PDZD2: variants seen among roughly 807,000 people sequenced by gnomAD.
PDZD2 encodes the protein PDZ domain containing 2.
PDZD2 carries 90 observed loss-of-function variants against 220.7 expected under a neutral mutation model. The ratio of observed to expected loss-of-function variants is 0.41; its 90% confidence interval spans 0.34 to 0.49. The LOEUF is 0.49. Ranked by LOEUF, PDZD2 falls within the 20% of genes least tolerant of loss-of-function variation. PDZD2 has a pLI of 0.28. For synonymous variants in PDZD2, 1,375 were observed against 1,450.5 expected, an observed-to-expected ratio of 0.95 and a Z score of 1.18; for missense variants, 3,174 against 3,608.5, an observed-to-expected ratio of 0.88 and a Z score of 3.08.
intron 17 of PDZD2, among the ~76,000 whole-genome samples, chr5:32,073,018 G>A (rs186783753): frequency 0.015 from 2,213 of 149,958 alleles, 70 homozygotes; most frequent in African/African-American, 0.052. Flanking sequence ...TTATCAAAAG[G>A]TTTTTTTTTT....
chr5:31,649,663 GGCA>G (rs1268582453), intron 1 of PDZD2, among the ~76,000 whole-genome samples: 2 of 151,940 alleles, frequency 1.3e-5, no homozygotes, highest in Non-Finnish European at 2.9e-5. Flanking sequence ...GGCTGGGCGC[GGCA>G]GCGCATGCCT....
At chr5:31,705,385 TC>T (rs1184193651) in intron 1 of PDZD2, among the ~76,000 whole-genome samples, 1 of 152,062 alleles carries the variant, frequency 6.6e-6, no homozygotes, top group Non-Finnish European at 1.5e-5. Flanking sequence ...GAAGAGAAAA[TC>T]CTTGCATTTT....
rs1752486650 is a variant in PDZD2 at position 32,003,331 on chromosome 5, C to CACCACACACA, written c.1254+3060_1254+3061insACCACACACA. On this transcript the variant is annotated intron_variant, in intron 5 of 24. Transcript: ENST00000438447. ...CCACACACACCCCACACACACACCCCCACCACACCACACACACACCACACA... is the reference window on the plus strand; with the variant it reads ...CCACACACACCCCACACACACACCCCACCACACACACACCACACCACACACACACCACACA... Among the ~76,000 whole-genome samples, 126 of 69,670 alleles carry CACCACACACA rather than the reference C, an allele frequency of 1.8e-3. 1 individual carries two copies. Among genetic ancestry groups the CACCACACACA allele is most frequent in the African/African-American group, 8.6e-3 (117 of 13,652 alleles). 45.7% of individuals were successfully genotyped at this position (69,670 alleles called of 152,430 possible).
At chr5:31,940,390 T>C (rs983202028) in intron 2 of PDZD2, among the ~76,000 whole-genome samples, 1 of 152,210 alleles carries the variant, frequency 6.6e-6, no homozygotes, top group African/African-American at 2.4e-5. Flanking sequence ...CAGGGCACAT[T>C]GTCAGCCCTG....
Position 32,091,164 on chromosome 5 carries a change from C to T in PDZD2, c.7716C>T (p.Ser2572=), listed in dbSNP as rs761133430. 8 of 1,564,002 alleles carry T rather than the reference C, an allele frequency of 5.1e-6. No individual in the cohort carries two copies. The highest frequency in any genetic ancestry group is 6.1e-6 in the Non-Finnish European group (7 of 1,149,578). The part of the protein sequence containing the change: ...EAAQDLPFRR[S]WSVNLDQLLV... ...CCCAGGATCTGCCTTTTAGAAGAAG[C>T]TGGTCAGTTAAGTAAGTATCTGCCC... The change falls in exon 20 of 25, where the codon AGC becomes AGT. Residue 2572 remains serine, a synonymous_variant. Coordinates refer to ENST00000438447, the MANE Select transcript of PDZD2 (RefSeq NM_178140.4).
At chr5:31,885,792 G>A (rs1247487336) in intron 2 of PDZD2, among the ~76,000 whole-genome samples, 1 of 152,112 alleles carries the variant, frequency 6.6e-6, no homozygotes, top group Non-Finnish European at 1.5e-5. Flanking sequence ...GTGTCCAGAA[G>A]GTTGACATGA....
In PDZD2 at chr5:32,098,025, G is replaced by A. The variant is rs1337507872; in HGVS notation, c.7948-339G>A. Among the ~76,000 whole-genome samples, 2 of 152,258 alleles carry A rather than the reference G, an allele frequency of 1.3e-5. No individual in the cohort carries two copies. Among genetic ancestry groups the A allele is most frequent in the East Asian group, 1.9e-4 (1 of 5,174 alleles). Reference sequence around the variant, plus strand: ...TCCCAGCACTTTGGGAGGTCGAGGCGGGTGGATCACCTGAGGTCAGGAGTT... The same window carrying A: ...TCCCAGCACTTTGGGAGGTCGAGGCAGGTGGATCACCTGAGGTCAGGAGTT... On this transcript the variant is annotated intron_variant, in intron 22 of 24. Transcript: ENST00000438447. This position sits in a 1 kb window ranked among gnomAD's most constrained non-coding sequence, Gnocchi z 4.1.
At chr5:31,865,383 G>C (rs941602112) in intron 2 of PDZD2, among the ~76,000 whole-genome samples, 3 of 151,336 alleles carry the variant, frequency 2.0e-5, no homozygotes, top group African/African-American at 7.3e-5. Flanking sequence ...CGCCATCACA[G>C]CTCACTGCAG....
In PDZD2 at chr5:32,087,127, G is replaced by C. The variant is rs373298448; in HGVS notation, c.3683-4G>C. 23 of 1,585,166 alleles carry C rather than the reference G, an allele frequency of 1.5e-5. No homozygotes were observed. The highest frequency in any genetic ancestry group is 1.8e-5 in the Non-Finnish European group (21 of 1,155,788). On this transcript the variant is annotated splice_polypyrimidine_tract_variant and splice_region_variant and intron_variant, in intron 19 of 24. Coordinates refer to ENST00000438447, the MANE Select transcript of PDZD2 (RefSeq NM_178140.4). The surrounding 1 kb of genome is among the most constrained non-coding windows in gnomAD (Gnocchi z 4.0). ...TGTACCTTCTGTTTACGTTCCCCACGTAGAACTGGACAGCTCCTCAGACCT... is the reference window on the plus strand; with the variant it reads ...TGTACCTTCTGTTTACGTTCCCCACCTAGAACTGGACAGCTCCTCAGACCT...
chr5:31,879,923 T>TTTA (rs1376359479), intron 2 of PDZD2, among the ~76,000 whole-genome samples: 1 of 151,008 alleles, frequency 6.6e-6, no homozygotes, highest in Non-Finnish European at 1.5e-5. Context: ...TTTTTTTTTT[T>TTTA]TTTTTTTAAC....
Position 31,674,898 on chromosome 5 carries a change from TTGTC to T in PDZD2, c.-361+35462_-361+35465del, listed in dbSNP as rs201058941. On this transcript the variant is annotated intron_variant, in intron 1 of 24. Transcript: ENST00000438447. ...GAGGGCAGAGAGAAGGAGAGGCACA[TTGTC>T]CTCTGACCCAGGGGGGTGGAGGACT... is the stretch of plus-strand genomic sequence containing the variant. Among the ~76,000 whole-genome samples the T allele has an allele frequency of 7.6e-3, 1,151 of 152,300 alleles. 11 individuals are homozygous for T. Among genetic ancestry groups the T allele is most frequent in the African/African-American group, 0.027 (1,108 of 41,544 alleles).
At chr5:31,859,243 C>T (rs1737456313) in intron 2 of PDZD2, among the ~76,000 whole-genome samples, 2 of 152,184 alleles carry the variant, frequency 1.3e-5, no homozygotes, top group African/African-American at 4.8e-5. Context: ...TAAAACCCCC[C>T]ATTCTCTTGG....
chr5:31,683,203 A>G (rs1746716805), intron 1 of PDZD2, among the ~76,000 whole-genome samples: 1 of 57,536 alleles, frequency 1.7e-5, no homozygotes, highest in Admixed American at 2.5e-4. Flanking sequence ...TGAGATCAGA[A>G]TGTTAAAAAA....
rs1254022855 is a variant in PDZD2, at chr5:31,905,904, T to TTA, written c.477-77247_477-77246dup. On this transcript the variant is annotated intron_variant, in intron 2 of 24. Transcript: ENST00000438447. ...TAGAGTGCACTTACACATCACTATT[T>TTA]TATATCAGCTCCCCTCCCCCATTCT... Among the ~76,000 whole-genome samples, 5 of 152,258 alleles carry TTA rather than the reference T, an allele frequency of 3.3e-5. No individual in the cohort carries two copies. In the East Asian group the frequency reaches 7.7e-4, roughly 24 times the overall value.
chr5:31,813,319 A>G (rs986545010), intron 2 of PDZD2, among the ~76,000 whole-genome samples: 86 of 152,060 alleles, frequency 5.7e-4, no homozygotes, highest in African/African-American at 1.9e-3. Flanking sequence ...GCATGGTGGC[A>G]GGCGTCTATA....
At chr5:31,736,963 A>ATGAGTAAAAGCTTCC (rs148118035) in intron 1 of PDZD2, among the ~76,000 whole-genome samples, 88,253 of 151,718 alleles carry the variant, frequency 0.58, 26,352 homozygotes, top group East Asian at 0.92. Flanking sequence ...GCCTTCCACC[A>ATGAGTAAAAGCTTCC]TGAGGCCTCC....
chr5:31,980,430 A>G (rs1750201195), intron 2 of PDZD2, among the ~76,000 whole-genome samples: 1 of 152,236 alleles, frequency 6.6e-6, no homozygotes, highest in Non-Finnish European at 1.5e-5. Context: ...TTATCTGTTC[A>G]TCAGTTGATG....
intron 2 of PDZD2, among the ~76,000 whole-genome samples, chr5:31,890,967 T>G (rs1186324952): frequency 6.6e-6 from 1 of 152,154 alleles, no homozygotes; most frequent in Non-Finnish European, 1.5e-5. Context: ...TCCGATGCTG[T>G]CAGTGCGTCT....
intron 2 of PDZD2, chr5:31,854,875 A>T: frequency 1.6e-6 from 1 of 613,336 alleles, no homozygotes; most frequent in Non-Finnish European, 2.0e-6. Context: ...ATTGCATTAC[A>T]GGCTTTTCCT....
Sources: gnomAD v4.1 joint callset for allele counts (sites outside exome capture counted in the v4.1 genomes callset) on GRCh38, gnomAD v4.1.1 for gene constraint, Gnocchi (gnomAD v3.1) non-coding constraint, MANE v1.5 for transcripts, NCBI Gene and HGNC (gene_info 2026-07-23, HGNC 2026-07-21) for gene names.